The following JMY variants were observed in gnomAD, a reference collection of about 807,000 sequenced individuals.
JMY encodes junction mediating and regulatory protein, p53 cofactor.
JMY carries 46 observed loss-of-function variants against 103.3 expected under a neutral mutation model. That is an observed-to-expected ratio of 0.45 (90% confidence interval 0.35 to 0.57). The LOEUF (loss-of-function observed/expected upper bound fraction) is 0.57, where lower values mean the gene tolerates loss of function less well. Among genes scored for constraint, JMY ranks in the 20% least tolerant of loss-of-function variants. The pLI is 0.00. For synonymous variants in JMY, 526 were observed against 489.3 expected (o/e 1.07, Z -0.99); for missense variants, 1,238 against 1,255.2 (o/e 0.99, Z 0.21).
chr5:79,236,997 C>T lies in JMY; in HGVS notation c.347C>T (p.Pro116Leu). Residue 116 changes from proline (P) to leucine (L), a missense_variant, in exon 1 of 11, where the codon CCT becomes CTT. Physicochemically the swap from Pro to Leu is moderately conservative, Grantham distance 98 (BLOSUM62 -3). Coordinates refer to ENST00000396137, the MANE Select transcript of JMY (RefSeq NM_152405.5). ...RSSAWAEGGS[P>L]RSTRSLLGDP... Reference sequence around the variant, plus strand: ...TCGGCCTGGGCGGAGGGCGGCTCTCCTCGGAGCACTCGCAGCCTTCTGGGG... The same window carrying T: ...TCGGCCTGGGCGGAGGGCGGCTCTCTTCGGAGCACTCGCAGCCTTCTGGGG... 1 of 1,475,564 alleles carries T rather than the reference C, an allele frequency of 6.8e-7. No individual in the cohort carries two copies. Among genetic ancestry groups the T allele is most frequent in the Non-Finnish European group, 9.0e-7 (1 of 1,114,874 alleles). The allele number at this position is 1,475,564 out of a possible 1,614,324, so 91.4% of individuals were successfully genotyped here.
At chr5:79,238,647 T>C (rs1425955660) in intron 1 of JMY, among the ~76,000 whole-genome samples, 3 of 140,910 alleles carry the variant, frequency 2.1e-5, no homozygotes, top group African/African-American at 7.8e-5. Context: ...CTCCGCGCCT[T>C]CTTTTTTTTT....
chr5:79,258,307 T>A (rs1218427818), intron 1 of JMY, among the ~76,000 whole-genome samples: 1 of 128,040 alleles, frequency 7.8e-6, no homozygotes, highest in Non-Finnish European at 1.7e-5. Context: ...CTTTTTTTGT[T>A]TTTGTTGTTT....
chr5:79,284,695 T>C, intron 2 of JMY: 1 of 1,592,462 alleles, frequency 6.3e-7, no homozygotes, highest in Non-Finnish European at 8.5e-7. Flanking sequence ...TTCATCATTC[T>C]GCAAATCAGC....
intron 6 of JMY, among the ~76,000 whole-genome samples, chr5:79,303,172 G>T (rs1394513996): frequency 6.6e-6 from 1 of 152,138 alleles, no homozygotes; most frequent in East Asian, 1.9e-4. Context: ...TGGGCACCTG[G>T]GTCTTATAAG....
At chr5:79,239,336 C>T (rs1428400334) in intron 1 of JMY, among the ~76,000 whole-genome samples, 2 of 152,144 alleles carry the variant, frequency 1.3e-5, no homozygotes, top group Non-Finnish European at 2.9e-5. Context: ...TCTTAAGTGA[C>T]CACATATATT....
At position 79,326,420 on chromosome 5, in the gene JMY, C is replaced by G. The variant is rs566286963; in HGVS notation, c.*4818C>G. 21 of 151,774 alleles carry G rather than the reference C, an allele frequency of 1.4e-4. No homozygotes were observed. The highest frequency in any genetic ancestry group is 5.1e-4 in the African/African-American group (21 of 41,390). 9.4% of individuals were successfully genotyped at this position (151,774 alleles called of 1,614,324 possible). On this transcript the variant is annotated 3_prime_UTR_variant, in exon 11 of 11. Coordinates refer to ENST00000396137, the MANE Select transcript of JMY (RefSeq NM_152405.5). ...CAAATTATTCCAGCTTTTCCCAATA[C>G]TAATTATATTGGTTTTAAAAAGTCT...
intron 10 of JMY, 76 bp from the exon 11 acceptor site, chr5:79,321,530 T>G (rs1394007029): frequency 6.6e-6 from 1 of 152,178 alleles, no homozygotes; most frequent in Non-Finnish European, 1.5e-5. Flanking sequence ...TTTTACACTT[T>G]TTGAGGGAAC....
chr5:79,298,212 T>C (rs894011394), intron 4 of JMY, among the ~76,000 whole-genome samples: 3 of 152,306 alleles, frequency 2.0e-5, no homozygotes, highest in Non-Finnish European at 4.4e-5. Flanking sequence ...ATCTGAACAA[T>C]ATCACTGGAA....
chr5:79,266,000 T>C (rs1745577686), intron 1 of JMY, among the ~76,000 whole-genome samples: 1 of 152,160 alleles, frequency 6.6e-6, no homozygotes, highest in African/African-American at 2.4e-5. Flanking sequence ...CATGCTGGTC[T>C]CGAACTCCTG....
At chr5:79,275,568 C>T (rs1745914959) in intron 1 of JMY, among the ~76,000 whole-genome samples, 1 of 152,166 alleles carries the variant, frequency 6.6e-6, no homozygotes, top group African/African-American at 2.4e-5. Flanking sequence ...TCCCTGCTTC[C>T]AAGGTATTGT....
At position 79,315,855 on chromosome 5, in the gene JMY, CCTT is replaced by C; in HGVS notation, c.2660-142_2660-140del. ...ATTAGGATCCCTTGTGTTCTGATCA[CCTT>C]CTGCACACATTTCATGATCCATTTT... On this transcript the variant is annotated intron_variant, in intron 9 of 10. Transcript: ENST00000396137. The C allele has an allele frequency of 1.4e-5, 10 of 713,204 alleles. No individual in the cohort carries two copies. The South Asian group carries it at 1.8e-4, about 13-fold the overall frequency. 44.2% of individuals were successfully genotyped at this position (713,204 alleles called of 1,614,324 possible). A position where few individuals can be genotyped will look rare whatever the true frequency, so the allele number is the denominator to read the frequency against.
intron 4 of JMY, among the ~76,000 whole-genome samples, chr5:79,298,665 G>A (rs979937172): frequency 5.3e-5 from 8 of 152,168 alleles, no homozygotes; most frequent in East Asian, 1.9e-4. Flanking sequence ...TTAAGTATCC[G>A]TTTATAAAAT....
chr5:79,239,136 C>T (rs1363304802), intron 1 of JMY, among the ~76,000 whole-genome samples: 1 of 152,058 alleles, frequency 6.6e-6, no homozygotes, highest in African/African-American at 2.4e-5. Context: ...ATGTTTGTTT[C>T]TCACTTATAC....
chr5:79,278,206 T>A, intron 2 of JMY, 123 bp downstream of exon 2: 1 of 802,154 alleles, frequency 1.2e-6, no homozygotes, highest in South Asian at 2.2e-5. Context: ...CTGGTCCTAT[T>A]TCTGCAAAGT....
intron 1 of JMY, among the ~76,000 whole-genome samples, chr5:79,269,484 G>T (rs1241146355): frequency 6.6e-6 from 1 of 152,134 alleles, no homozygotes; most frequent in African/African-American, 2.4e-5. Flanking sequence ...AACTTGCAGA[G>T]ATTTTGATTA....
At chr5:79,283,559 G>C (rs1398970730) in intron 2 of JMY, among the ~76,000 whole-genome samples, 1 of 152,170 alleles carries the variant, frequency 6.6e-6, no homozygotes, top group East Asian at 1.9e-4. Flanking sequence ...TTTAGGCCAG[G>C]AAGTCTTTCT....
At chr5:79,269,081 G>T (rs536381669) in intron 1 of JMY, among the ~76,000 whole-genome samples, 98 of 152,226 alleles carry the variant, frequency 6.4e-4, no homozygotes, top group African/African-American at 2.2e-3. Context: ...GGCAAGGTCA[G>T]CTGGATTTTC....
intron 4 of JMY, among the ~76,000 whole-genome samples, chr5:79,294,161 T>C (rs1561308027): frequency 6.6e-6 from 1 of 152,224 alleles, no homozygotes; most frequent in Non-Finnish European, 1.5e-5. Context: ...CTCAGCACTT[T>C]GGGAGGCTGA....
chr5:79,239,391 G>T (rs1744662628), intron 1 of JMY, among the ~76,000 whole-genome samples: 1 of 152,140 alleles, frequency 6.6e-6, no homozygotes, highest in African/African-American at 2.4e-5. Context: ...CTCTTAAACT[G>T]CAAGAACCGT....
Sources: allele counts gnomAD v4.1 joint callset (sites outside exome capture counted in the v4.1 genomes callset), GRCh38; gene constraint gnomAD v4.1.1; transcripts MANE v1.5; gene names NCBI Gene and HGNC (gene_info 2026-07-23, HGNC 2026-07-21).